PIWIL1: variants seen among roughly 807,000 people sequenced by gnomAD.
PIWIL1 encodes the protein piwi like RNA-mediated gene silencing 1.
In PIWIL1, 73 loss-of-function variants were observed where a neutral mutation model predicts 114.4. That is an observed-to-expected ratio of 0.64 (90% CI 0.53 to 0.78). The LOEUF (loss-of-function observed/expected upper bound fraction) is 0.78, where lower values mean the gene tolerates loss of function less well. Ranked by LOEUF, PIWIL1 falls within the 30% of genes least tolerant of loss-of-function variation. The pLI, the probability that PIWIL1 is intolerant of heterozygous loss-of-function variation, is 0.00. For missense variants in PIWIL1, 723 were observed against 1,063.1 expected, an observed-to-expected ratio of 0.68 and a Z score of 4.45; for synonymous variants, 375 against 369.0, an observed-to-expected ratio of 1.02 and a Z score of -0.19.
At chr12:130,373,895 C>T (rs568653191), downstream of PIWIL1, among the ~76,000 whole-genome samples, 14 of 152,208 alleles carry the variant, frequency 9.2e-5, no homozygotes, top group African/African-American at 2.4e-4. Flanking sequence ...GCAAAGACTC[C>T]GTGAAATCCC....
intron 12 of PIWIL1, among the ~76,000 whole-genome samples, chr12:130,356,712 G>A (rs1356904815): frequency 6.6e-6 from 1 of 152,182 alleles, no homozygotes; most frequent in Non-Finnish European, 1.5e-5. Flanking sequence ...GTCAGTATGA[G>A]TGTATTTTAA....
the PIWIL1 span, among the ~76,000 whole-genome samples, chr12:130,419,349 AG>A: frequency 6.6e-6 from 1 of 152,196 alleles, no homozygotes; most frequent in Non-Finnish European, 1.5e-5. This position sits in a 1 kb window ranked among gnomAD's most constrained non-coding sequence, Gnocchi z 4.3. Context: ...GTGGGAGATC[AG>A]GGCTCATGCC....
intron 3 of PIWIL1, 98 bp from the exon 4 acceptor site, chr12:130,345,655 A>C (rs1237396655): frequency 7.8e-7 from 1 of 1,284,078 alleles, no homozygotes; most frequent in Non-Finnish European, 1.1e-6. Context: ...TCTACACCTC[A>C]GTATCCTTTG....
chr12:130,388,711 G>A, the PIWIL1 span, among the ~76,000 whole-genome samples: 1 of 152,078 alleles, frequency 6.6e-6, no homozygotes, highest in African/African-American at 2.4e-5. Context: ...AGTTGCCATT[G>A]TAAATGTTTT....
chr12:130,362,452 C>T (rs1249383006), intron 16 of PIWIL1, among the ~76,000 whole-genome samples: 2 of 152,150 alleles, frequency 1.3e-5, no homozygotes, highest in African/African-American at 2.4e-5. Flanking sequence ...TGCTTCTGTG[C>T]GTATTTAGGT....
chr12:130,371,443 A>G (rs2073814601), intron 20 of PIWIL1, 39 bp from the exon 21 acceptor site: 1 of 1,608,312 alleles, frequency 6.2e-7, no homozygotes, highest in Non-Finnish European at 8.5e-7. Context: ...AAAGAGGCTA[A>G]GTCTAGAGTA....
chr12:130,424,716 C>T, the PIWIL1 span: 1 of 1,232,286 alleles, frequency 8.1e-7, no homozygotes, highest in East Asian at 3.2e-5. The surrounding 1 kb of genome is among the most constrained non-coding windows in gnomAD (Gnocchi z 9.8). Context: ...CGGCCCTGCA[C>T]CCTGCTTGTG....
At chr12:130,362,018 A>G (rs1426777644) in intron 16 of PIWIL1, among the ~76,000 whole-genome samples, 1 of 152,240 alleles carries the variant, frequency 6.6e-6, no homozygotes, top group Non-Finnish European at 1.5e-5. Flanking sequence ...ATAGTAATAT[A>G]TGAAAACTGA....
chr12:130,338,205 G>A, intron 1 of PIWIL1, 59 bp downstream of exon 1: 1 of 267,996 alleles, frequency 3.7e-6, no homozygotes, highest in Admixed American at 5.9e-5. Context: ...GGCGGCGGCT[G>A]GGGGTCCGGG....
chr12:130,347,307 C>A (rs961087911), intron 6 of PIWIL1, among the ~76,000 whole-genome samples: 2 of 152,194 alleles, frequency 1.3e-5, no homozygotes, highest in African/African-American at 2.4e-5. Flanking sequence ...GTGTTCAGAA[C>A]ACTCATATCC....
chr12:130,354,698 A>G lies in PIWIL1; in HGVS notation c.1171+35A>G, dbSNP rs368357352. On this transcript the variant is annotated intron_variant, in intron 10 of 20. Transcript: ENST00000245255. ...CATTTCATTTACTCGGAAGGAAGCC[A>G]CTGGATTTACCCTTTCTTTCCTAGG... is the stretch of plus-strand genomic sequence containing the variant. 6.5e-6 allele frequency: 10 copies of G among 1,544,016 alleles called. No individual in the cohort carries two copies. In the Admixed American group the frequency reaches 1.3e-4, roughly 20 times the overall value.
intron 18 of PIWIL1, among the ~76,000 whole-genome samples, chr12:130,365,215 G>A (rs1271946658): frequency 2.6e-5 from 4 of 152,204 alleles, no homozygotes; most frequent in South Asian, 2.1e-4. Flanking sequence ...GCACTGTTGC[G>A]TGAAGTAGAC....
the PIWIL1 span, chr12:130,412,545 G>A: frequency 6.9e-3 from 9,449 of 1,365,764 alleles, 541 homozygotes; most frequent in African/African-American, 0.12. Context: ...CCTCATCACC[G>A]CCTGCCTCTC....
chr12:130,370,244 GA>G (rs11350549), intron 19 of PIWIL1, among the ~76,000 whole-genome samples: 105,420 of 143,622 alleles, frequency 0.73, 39,507 homozygotes, highest in Non-Finnish European at 0.84. Context: ...CCAAGAAAAT[GA>G]AAAAAAAAAA....
the PIWIL1 span, among the ~76,000 whole-genome samples, chr12:130,423,403 C>A: frequency 6.6e-6 from 1 of 152,134 alleles, no homozygotes; most frequent in Admixed American, 6.5e-5. Flanking sequence ...GGCCTCAGAC[C>A]CAAGGCCTGG....
chr12:130,423,554 G>A, the PIWIL1 span, among the ~76,000 whole-genome samples: 1 of 151,832 alleles, frequency 6.6e-6, no homozygotes, highest in Non-Finnish European at 1.5e-5. Flanking sequence ...AAGCCCAGAC[G>A]GCAGGGCCGG....
chr12:130,348,109 G>C lies in PIWIL1; in HGVS notation c.660G>C (p.Leu220Phe). The C allele has an allele frequency of 2.5e-6, 4 of 1,596,022 alleles. No individual in the cohort carries two copies. The highest frequency in any genetic ancestry group is 1.7e-6 in the Non-Finnish European group (2 of 1,164,748). The change falls in exon 7 of 21, where the codon TTG becomes TTC. Residue 220 changes from leucine to phenylalanine, a missense_variant. Leu to Phe is a conservative substitution (Grantham distance 22, BLOSUM62 0). Around this residue, in one of 8 missense-constraint regions of PIWIL1, gnomAD observed 190 missense variants for 294.4 expected, o/e 0.65. Coordinates refer to ENST00000245255, the MANE Select transcript of PIWIL1 (RefSeq NM_004764.5). ...QFYNIIFRRL[L>F]KIMNLQQIGR... ...CTGACCTTTCCATTTCTAGGCTTTT[G>C]AAAATCATGAATTTGCAACAAATTG... is the stretch of plus-strand genomic sequence containing the variant.
chr12:130,425,737 G>C, the PIWIL1 span: 1 of 152,404 alleles, frequency 6.6e-6, no homozygotes, highest in South Asian at 2.1e-4. Context: ...TCCTTCAAGG[G>C]GGCTTGGCTG....
chr12:130,388,689 A>G, the PIWIL1 span, among the ~76,000 whole-genome samples: 2 of 152,264 alleles, frequency 1.3e-5, no homozygotes, highest in East Asian at 3.9e-4. Flanking sequence ...ATTTATTCCT[A>G]AGTGCTTTTA....
Sources: gnomAD v4.1 joint callset for allele counts (sites outside exome capture counted in the v4.1 genomes callset) on GRCh38, gnomAD v4.1.1 for gene constraint, gnomAD v4.1.1 regional missense constraint, Gnocchi (gnomAD v3.1) non-coding constraint, MANE v1.5 for transcripts, NCBI Gene and HGNC (gene_info 2026-07-23, HGNC 2026-07-21) for gene names.